The following NELL1 variants were observed in gnomAD, a reference collection of about 807,000 sequenced individuals.
NELL1 encodes the protein protein kinase C-binding protein NELL1.
Under a neutral mutation model 107.4 loss-of-function variants are expected in NELL1, and 76 were observed. That is an observed-to-expected ratio of 0.71 (90% CI 0.59 to 0.86). NELL1 has a LOEUF of 0.86. Among genes scored for constraint, NELL1 ranks in the 40% least tolerant of loss-of-function variants. The probability of loss-of-function intolerance (pLI) is 0.00; values close to 1 mark genes in which losing one functional copy is unlikely to be tolerated. For missense variants in NELL1, 1,024 were observed against 1,005.5 expected (o/e 1.02, Z -0.25); for synonymous variants, 353 against 341.2 (o/e 1.03, Z -0.38).
chr11:20,763,802 G>C (rs1856474094), intron 2 of NELL1, among the ~76,000 whole-genome samples: 1 of 152,228 alleles, frequency 6.6e-6, no homozygotes. Flanking sequence ...TAGAGGGGCT[G>C]GGAAGAACCT....
intron 12 of NELL1, among the ~76,000 whole-genome samples, chr11:20,991,643 C>A (rs7936285): frequency 0.25 from 38,275 of 151,958 alleles, 5,016 homozygotes; most frequent in Middle Eastern, 0.41. Flanking sequence ...GGACGTGCCT[C>A]GGATTGGTCG....
intron 2 of NELL1, among the ~76,000 whole-genome samples, chr11:20,776,474 ATT>A (rs1295558408): frequency 6.6e-6 from 1 of 151,630 alleles, no homozygotes; most frequent in Admixed American, 6.6e-5. Context: ...ATAAAATAAA[ATT>A]TTATATATAT....
chr11:21,235,941 G>C (rs900964468), intron 14 of NELL1, among the ~76,000 whole-genome samples: 6 of 152,088 alleles, frequency 3.9e-5, no homozygotes, highest in Admixed American at 6.6e-5. Flanking sequence ...AAGGCCCTGT[G>C]ACATGTAGTC....
intron 3 of NELL1, among the ~76,000 whole-genome samples, chr11:20,800,523 G>A (rs148004785): frequency 2.6e-5 from 4 of 152,104 alleles, no homozygotes; most frequent in Non-Finnish European, 4.4e-5. Flanking sequence ...CCTGTCTTTT[G>A]TCCATTTTTA....
At chr11:21,069,396 G>C (rs528546074) in intron 12 of NELL1, among the ~76,000 whole-genome samples, 1 of 152,168 alleles carries the variant, frequency 6.6e-6, no homozygotes, top group Non-Finnish European at 1.5e-5. Flanking sequence ...TTTACAGTGA[G>C]AGCTTCTATA....
intron 2 of NELL1, among the ~76,000 whole-genome samples, chr11:20,757,273 AT>A (rs893138003): frequency 2.0e-5 from 3 of 151,918 alleles, no homozygotes; most frequent in African/African-American, 7.3e-5. Flanking sequence ...TATTTCCAAA[AT>A]TTTTTATCAC....
chr11:20,688,373 C>G (rs760195265), intron 2 of NELL1, among the ~76,000 whole-genome samples: 66 of 151,972 alleles, frequency 4.3e-4, no homozygotes, highest in Non-Finnish European at 8.8e-4. Context: ...CAACCCTTAC[C>G]CATCAATATC....
chr11:20,774,579 CT>C (rs1022876109), intron 2 of NELL1, among the ~76,000 whole-genome samples: 23 of 151,992 alleles, frequency 1.5e-4, no homozygotes, highest in African/African-American at 5.6e-4. Context: ...GATCCATTCA[CT>C]TTTGTTTGTG....
rs573988178 is a variant in NELL1, at chr11:20,941,436, G to T, written c.1071+3577G>T. Reference sequence around the variant, plus strand: ...CCTGAAATTTTACCTAGCTGTTAGTGAAGTTCAGAGTTCCTTGCGTTCTTT... The same window carrying T: ...CCTGAAATTTTACCTAGCTGTTAGTTAAGTTCAGAGTTCCTTGCGTTCTTT... On this transcript the variant is annotated intron_variant, in intron 10 of 19. Coordinates refer to ENST00000357134, the MANE Select transcript of NELL1 (RefSeq NM_006157.5). Among the ~76,000 whole-genome samples the T allele has an allele frequency of 3.9e-5, 6 of 152,320 alleles. No individual in the cohort carries two copies. The South Asian group carries it at 1.2e-3, about 32-fold the overall frequency.
chr11:21,348,760 T>C (rs1850739333), intron 14 of NELL1, among the ~76,000 whole-genome samples: 1 of 152,168 alleles, frequency 6.6e-6, no homozygotes, highest in African/African-American at 2.4e-5. Context: ...ATAGGACTAC[T>C]AAGTCTTGAA....
chr11:21,547,859 T>C (rs567127517), intron 16 of NELL1, among the ~76,000 whole-genome samples: 1 of 152,038 alleles, frequency 6.6e-6, no homozygotes, highest in African/African-American at 2.4e-5. Context: ...GTCTGAATTT[T>C]CTCATTGCCA....
intron 14 of NELL1, among the ~76,000 whole-genome samples, chr11:21,289,938 C>T (rs1356983386): frequency 1.3e-5 from 2 of 152,174 alleles, no homozygotes; most frequent in African/African-American, 4.8e-5. Flanking sequence ...GACTGCCTCT[C>T]TAGATTCCTC....
intron 2 of NELL1, among the ~76,000 whole-genome samples, chr11:20,690,257 C>A (rs1484672315): frequency 2.0e-5 from 3 of 151,544 alleles, no homozygotes; most frequent in East Asian, 1.9e-4. Context: ...ATGGTAGTTT[C>A]TTTTGCTGTG....
chr11:20,708,842 C>A (rs1233303126), intron 2 of NELL1, among the ~76,000 whole-genome samples: 1 of 152,082 alleles, frequency 6.6e-6, no homozygotes, highest in Non-Finnish European at 1.5e-5. Flanking sequence ...GCACCAGGGA[C>A]CAGTTGCATG....
In NELL1 at chr11:20,965,286, A is replaced by C. The variant is rs551217967; in HGVS notation, c.1300+4726A>C. ...AATTAAGATGATAATGAAACAGTGC[A>C]TGTCAGAAATTTAGCAAATTGTCTG... On this transcript the variant is annotated intron_variant, in intron 12 of 19. Coordinates refer to ENST00000357134, the MANE Select transcript of NELL1 (RefSeq NM_006157.5). 9.8e-5 allele frequency among the ~76,000 whole-genome samples: 15 copies of C among 152,344 alleles called. No homozygotes were observed. The East Asian group carries it at 1.9e-3, about 20-fold the overall frequency.
intron 14 of NELL1, chr11:21,260,634 G>C (rs1027833161): frequency 6.6e-6 from 1 of 151,844 alleles, no homozygotes; most frequent in African/African-American, 2.4e-5. Flanking sequence ...CTGTTTTCTA[G>C]CAGGTGACCC....
At chr11:21,160,623 T>C (rs867363911) in intron 13 of NELL1, among the ~76,000 whole-genome samples, 2 of 152,180 alleles carry the variant, frequency 1.3e-5, no homozygotes, top group Non-Finnish European at 2.9e-5. Flanking sequence ...ATTTGAAATT[T>C]CCTTTTGTTT....
intron 5 of NELL1, among the ~76,000 whole-genome samples, chr11:20,896,946 A>T (rs1409402055): frequency 2.0e-5 from 3 of 152,340 alleles, no homozygotes; most frequent in East Asian, 1.9e-4. Context: ...TTCCATGCTC[A>T]TGGGTAGGAA....
rs759450612 is a variant in NELL1, at chr11:21,042,039, A to G, written c.1301-71550A>G. 1.4e-4 allele frequency among the ~76,000 whole-genome samples: 22 copies of G among 152,362 alleles called. 1 individual carries two copies. Among genetic ancestry groups the G allele is most frequent in the Non-Finnish European group, 2.9e-4 (20 of 68,040 alleles). On this transcript the variant is annotated intron_variant, in intron 12 of 19. Transcript: ENST00000357134. ...ATCGCTAAGTCTTCTTTTGAGAAGC[A>G]TGCTGTAAATACCATCTTGCCTTCA...
Sources: allele counts gnomAD v4.1 joint callset (sites outside exome capture counted in the v4.1 genomes callset), GRCh38; gene constraint gnomAD v4.1.1; transcripts MANE v1.5; gene names NCBI Gene and HGNC (gene_info 2026-07-23, HGNC 2026-07-21).